The following ZMAT5 variants were observed in gnomAD, a reference collection of about 807,000 sequenced individuals.
The protein encoded by ZMAT5 is zinc finger matrin-type protein 5.
In ZMAT5, 23 loss-of-function variants were observed where a neutral mutation model predicts 28.0. That is an observed-to-expected ratio of 0.82 (90% CI 0.59 to 1.16). The LOEUF is 1.16. ZMAT5 is among the 50% of genes most tolerant of loss of function. ZMAT5 has a pLI of 0.00. For missense variants in ZMAT5, 173 were observed against 212.7 expected (o/e 0.81, Z 1.16); for synonymous variants, 76 against 84.1 (o/e 0.90, Z 0.52).
chr22:29,745,318 C>T (rs2067999875), intron 2 of ZMAT5, among the ~76,000 whole-genome samples: 1 of 152,152 alleles, frequency 6.6e-6, no homozygotes, highest in African/African-American at 2.4e-5. Flanking sequence ...ACAGCTTATG[C>T]CCAGCAGATG....
At chr22:29,742,339 A>G in intron 3 of ZMAT5, 79 bp downstream of exon 3, 1 of 1,456,190 alleles carries the variant, frequency 6.9e-7, no homozygotes, top group Non-Finnish European at 9.5e-7. Context: ...GTCGGGGAAG[A>G]CACTCTGCAG....
At chr22:29,747,881 C>A (rs2068022696) in intron 2 of ZMAT5, 1 of 192,448 alleles carries the variant, frequency 5.2e-6, no homozygotes, top group Non-Finnish European at 1.1e-5. Flanking sequence ...ACGAAGCAGT[C>A]TGCGCTGTCA....
intron 5 of ZMAT5, among the ~76,000 whole-genome samples, chr22:29,735,853 G>C (rs2067899226): frequency 6.6e-6 from 1 of 152,154 alleles, no homozygotes; most frequent in African/African-American, 2.4e-5. Context: ...CAAATTCATA[G>C]CGCCTTGTTT....
intron 5 of ZMAT5, among the ~76,000 whole-genome samples, chr22:29,736,887 C>T (rs1377673034): frequency 6.6e-6 from 1 of 151,488 alleles, no homozygotes; most frequent in Non-Finnish European, 1.5e-5. Flanking sequence ...ATTAGCCGGG[C>T]GTGGTGGCGG....
At chr22:29,763,658 C>T (rs2068180937) in intron 1 of ZMAT5, among the ~76,000 whole-genome samples, 8 of 151,550 alleles carry the variant, frequency 5.3e-5, no homozygotes. Flanking sequence ...GGAGATGGCT[C>T]ATGTCTGTAA....
chr22:29,754,641 T>C (rs2068083185), intron 1 of ZMAT5, among the ~76,000 whole-genome samples: 1 of 151,956 alleles, frequency 6.6e-6, no homozygotes, highest in Non-Finnish European at 1.5e-5. Flanking sequence ...GAGGCCGAGG[T>C]GGGAGGATCA....
chr22:29,748,530 G>GT lies in ZMAT5; in HGVS notation c.14dup (p.Tyr5Ter). ...AGGAGCGGTCGCAGTAGTCACAGAA[G>GT]TATCGCTTCCCCATGGCCACTCAGA... is the stretch of plus-strand genomic sequence containing the variant. MGKR[Y>*]FCDYCDRSFQ... is the part of the protein sequence containing the mutation. Residue 5 changes from tyrosine (Y) to a stop codon, truncating the protein, a stop_gained and frameshift_variant, in exon 2 of 6, where the codon TAC becomes TAAC. Coordinates refer to ENST00000344318, the MANE Select transcript of ZMAT5 (RefSeq NM_001003692.2). LOFTEE classifies it high-confidence loss of function. 6.2e-7 allele frequency: 1 copy of GT among 1,614,190 alleles called. No individual in the cohort carries two copies. The highest frequency in any genetic ancestry group is 8.5e-7 in the Non-Finnish European group (1 of 1,180,038).
chr22:29,762,112 T>A (rs980490193), intron 1 of ZMAT5, among the ~76,000 whole-genome samples: 2 of 152,208 alleles, frequency 1.3e-5, no homozygotes, highest in Non-Finnish European at 2.9e-5. Flanking sequence ...ATGTTATTCA[T>A]ATAAAGTACT....
intron 1 of ZMAT5, among the ~76,000 whole-genome samples, chr22:29,763,365 A>G (rs1417736639): frequency 6.6e-6 from 1 of 151,602 alleles, no homozygotes; most frequent in Non-Finnish European, 1.5e-5. Context: ...GGATTTTGGG[A>G]GGCCGAGGTG....
chr22:29,745,179 C>A (rs995171158), intron 2 of ZMAT5, among the ~76,000 whole-genome samples: 1 of 152,186 alleles, frequency 6.6e-6, no homozygotes, highest in Non-Finnish European at 1.5e-5. Context: ...TGTAGCCAAA[C>A]GACCTGACCC....
intron 5 of ZMAT5, among the ~76,000 whole-genome samples, chr22:29,737,258 G>A (rs2067914848): frequency 6.6e-6 from 1 of 150,822 alleles, no homozygotes; most frequent in Admixed American, 6.6e-5. Flanking sequence ...GAACCCAGAG[G>A]CAGAGGTTGC....
chr22:29,763,489 C>G (rs1157458728), intron 1 of ZMAT5, among the ~76,000 whole-genome samples: 2 of 147,724 alleles, frequency 1.4e-5, no homozygotes, highest in Non-Finnish European at 3.0e-5. Flanking sequence ...GTAATCCCAG[C>G]TACTCAGGAG....
chr22:29,740,154 A>G (rs1391217300), intron 4 of ZMAT5, among the ~76,000 whole-genome samples: 2 of 152,162 alleles, frequency 1.3e-5, no homozygotes, highest in African/African-American at 4.8e-5. Flanking sequence ...TAGAGGAGTG[A>G]ATTTCCCAAA....
chr22:29,741,832 T>C (rs963595725), intron 3 of ZMAT5, among the ~76,000 whole-genome samples: 6 of 152,130 alleles, frequency 3.9e-5, no homozygotes, highest in Non-Finnish European at 8.8e-5. Flanking sequence ...AAAAATTTTT[T>C]TGGTAGAGAT....
chr22:29,735,349 G>C (rs1031980170), intron 5 of ZMAT5, among the ~76,000 whole-genome samples: 3 of 152,222 alleles, frequency 2.0e-5, no homozygotes, highest in Non-Finnish European at 4.4e-5. Context: ...GAGGCAGGAG[G>C]AAGGCAGGTG....
chr22:29,742,630 A>C, intron 2 of ZMAT5, 150 bp from the exon 3 acceptor site: 1 of 715,826 alleles, frequency 1.4e-6, no homozygotes, highest in South Asian at 1.7e-5. Flanking sequence ...TGGAAGCAGG[A>C]GATGACCACA....
chr22:29,741,711 G>A (rs745746770), intron 3 of ZMAT5, among the ~76,000 whole-genome samples: 5 of 152,132 alleles, frequency 3.3e-5, no homozygotes, highest in Non-Finnish European at 5.9e-5. Flanking sequence ...GTGCAGTGGT[G>A]CAATCATAGC....
At chr22:29,738,963 A>G (rs1270146325) in intron 4 of ZMAT5, among the ~76,000 whole-genome samples, 2 of 151,802 alleles carry the variant, frequency 1.3e-5, no homozygotes, top group African/African-American at 2.4e-5. Context: ...GTGAGCTAAG[A>G]TCGCACCACT....
intron 5 of ZMAT5, among the ~76,000 whole-genome samples, chr22:29,734,822 TC>T (rs1569334047): frequency 1.3e-4 from 14 of 106,252 alleles, no homozygotes; most frequent in Non-Finnish European, 2.7e-4. Flanking sequence ...TCAGGGAGGG[TC>T]CCCCGCCCCA....
Sources: allele counts gnomAD v4.1 joint callset (sites outside exome capture counted in the v4.1 genomes callset), GRCh38; gene constraint gnomAD v4.1.1; transcripts MANE v1.5; gene names NCBI Gene and HGNC (gene_info 2026-07-23, HGNC 2026-07-21).